Variants in DCDC2C observed in about 807,000 individuals in gnomAD.
DCDC2C encodes doublecortin domain-containing protein 2C.
DCDC2C carries 44 observed loss-of-function variants against 45.0 expected under a neutral mutation model. That is an observed-to-expected ratio of 0.98 (90% CI 0.77 to 1.26). The LOEUF is 1.26. Ranked by LOEUF, DCDC2C falls within the 50% of genes most tolerant of loss-of-function variation. The pLI, the probability that DCDC2C is intolerant of heterozygous loss-of-function variation, is 0.00. For synonymous variants in DCDC2C, 187 were observed against 178.8 expected (o/e 1.05, Z -0.37); for missense variants, 447 against 468.9 (o/e 0.95, Z 0.43).
chr2:3,770,051 G>C (rs1005528221), intron 8 of DCDC2C, among the ~76,000 whole-genome samples: 1 of 152,168 alleles, frequency 6.6e-6, no homozygotes, highest in Non-Finnish European at 1.5e-5. Flanking sequence ...GCCCAGCTGC[G>C]CACCTGAGTG....
At position 3,799,897 on chromosome 2, in the gene DCDC2C, C is replaced by A. The variant is rs189339241; in HGVS notation, c.1065+14797C>A. Among the ~76,000 whole-genome samples the A allele has an allele frequency of 7.5e-3, 1,146 of 152,346 alleles. 21 individuals carry two copies. Among genetic ancestry groups the A allele is most frequent in the African/African-American group, 0.026 (1,082 of 41,584 alleles). On this transcript the variant is annotated intron_variant, in intron 10 of 10. Coordinates refer to ENST00000399143, the MANE Select transcript of DCDC2C (RefSeq NM_001287444.2). ...TCCTTGAGCTGTGATGGGCTCCACC[C>A]AGTTCGAGCTTCCCAGATGCTTTGT...
At chr2:3,794,782 G>T (rs537517219) in intron 10 of DCDC2C, among the ~76,000 whole-genome samples, 10 of 152,316 alleles carry the variant, frequency 6.6e-5, no homozygotes, top group African/African-American at 2.4e-4. Flanking sequence ...CATTTGGGTT[G>T]GTTCCAAGTC....
chr2:3,708,880 T>C (rs1043168083), intron 2 of DCDC2C, among the ~76,000 whole-genome samples: 4 of 152,210 alleles, frequency 2.6e-5, no homozygotes, highest in East Asian at 3.8e-4. Flanking sequence ...ATTTTCCTTT[T>C]GTTTTGGGGG....
At chr2:3,771,968 A>G (rs4849990) in intron 8 of DCDC2C, among the ~76,000 whole-genome samples, 30,390 of 152,156 alleles carry the variant, frequency 0.2, 3,353 homozygotes, top group South Asian at 0.35. Context: ...AGTAATCTGG[A>G]ATACTGTCTC....
chr2:3,720,696 A>G (rs1216841622), intron 2 of DCDC2C, among the ~76,000 whole-genome samples: 1 of 152,174 alleles, frequency 6.6e-6, no homozygotes, highest in Non-Finnish European at 1.5e-5. Flanking sequence ...AATATTATGA[A>G]TTACATGAAT....
intron 10 of DCDC2C, among the ~76,000 whole-genome samples, chr2:3,811,126 G>A (rs1052982551): frequency 2.0e-5 from 3 of 152,182 alleles, no homozygotes; most frequent in African/African-American, 7.2e-5. Flanking sequence ...GAATGTCAAT[G>A]TTAGTTTGAT....
intron 3 of DCDC2C, among the ~76,000 whole-genome samples, chr2:3,739,532 GGCACCGGC>G (rs2148103282): frequency 6.6e-6 from 1 of 152,396 alleles, no homozygotes; most frequent in African/African-American, 2.4e-5. Context: ...CGCACCAACA[GGCACCGGC>G]ACACCGGCAG....
chr2:3,746,945 T>C (rs1398913505), intron 4 of DCDC2C, among the ~76,000 whole-genome samples: 1 of 151,894 alleles, frequency 6.6e-6, no homozygotes, highest in Non-Finnish European at 1.5e-5. Flanking sequence ...GTGTGGACAA[T>C]GGCCTGGCCC....
intron 2 of DCDC2C, among the ~76,000 whole-genome samples, chr2:3,726,332 TCCC>T (rs1224194687): frequency 2.0e-5 from 3 of 151,670 alleles, no homozygotes; most frequent in African/African-American, 7.3e-5. Context: ...CAATCAGAGC[TCCC>T]CCCATTTGCT....
chr2:3,842,314 C>T (rs896281579), intron 10 of DCDC2C, among the ~76,000 whole-genome samples: 1 of 151,878 alleles, frequency 6.6e-6, no homozygotes, highest in Admixed American at 6.6e-5. Context: ...ACAGAGACAA[C>T]GATTGACTGT....
rs563621204 is a variant in DCDC2C at position 3,826,714 on chromosome 2, G to T, written c.1066-20440G>T. ...ACAGCTCCTTCCACAGCTTTGCGTG[G>T]TGTCTAAGATCTTTATCTCCTTGGA... On this transcript the variant is annotated intron_variant, in intron 10 of 10. Coordinates refer to ENST00000399143, the MANE Select transcript of DCDC2C (RefSeq NM_001287444.2). 1.1e-4 allele frequency among the ~76,000 whole-genome samples: 16 copies of T among 152,256 alleles called. 1 individual carries two copies. Among genetic ancestry groups the T allele is most frequent in the African/African-American group, 3.9e-4 (16 of 41,546 alleles).
chr2:3,762,769 T>G (rs1329199246), intron 6 of DCDC2C, among the ~76,000 whole-genome samples: 5 of 151,964 alleles, frequency 3.3e-5, no homozygotes, highest in Non-Finnish European at 7.4e-5. Context: ...GGGACAAACA[T>G]CCAAACTATA....
At chr2:3,756,336 G>C (rs953705412) in intron 6 of DCDC2C, among the ~76,000 whole-genome samples, 1 of 152,160 alleles carries the variant, frequency 6.6e-6, no homozygotes, top group Admixed American at 6.5e-5. Flanking sequence ...TCCAGTGCCT[G>C]TCTGCCTGGC....
intron 10 of DCDC2C, among the ~76,000 whole-genome samples, chr2:3,828,668 A>C (rs371731701): frequency 1.7e-4 from 26 of 152,276 alleles, no homozygotes; most frequent in African/African-American, 5.5e-4. Flanking sequence ...CTTCACTTAA[A>C]ACATGTTGCC....
At chr2:3,780,641 G>A (rs1215935425) in intron 9 of DCDC2C, among the ~76,000 whole-genome samples, 1 of 152,166 alleles carries the variant, frequency 6.6e-6, no homozygotes, top group Non-Finnish European at 1.5e-5. Context: ...GACAGGACAG[G>A]GAGGGCTGGG....
chr2:3,747,624 A>C (rs1669411294), intron 4 of DCDC2C, among the ~76,000 whole-genome samples: 1 of 152,252 alleles, frequency 6.6e-6, no homozygotes, highest in African/African-American at 2.4e-5. Context: ...CACACTGGAC[A>C]CGTTGGGTGT....
chr2:3,792,820 A>G (rs1396329652), intron 10 of DCDC2C, among the ~76,000 whole-genome samples: 2 of 152,250 alleles, frequency 1.3e-5, no homozygotes, highest in East Asian at 3.8e-4. Context: ...AAGAAAATCA[A>G]ACGTGAAGAG....
At chr2:3,778,071 G>A (rs1450198718) in intron 8 of DCDC2C, among the ~76,000 whole-genome samples, 2 of 101,994 alleles carry the variant, frequency 2.0e-5, no homozygotes, top group African/African-American at 6.7e-5. Flanking sequence ...ACACCCCCTG[G>A]CCAGCTGGAC....
intron 10 of DCDC2C, among the ~76,000 whole-genome samples, chr2:3,805,123 C>T (rs890440114): frequency 2.0e-5 from 3 of 152,216 alleles, no homozygotes; most frequent in African/African-American, 7.2e-5. Context: ...TGACAACTGA[C>T]ACTTTTTACT....
Sources: gnomAD v4.1 joint callset for allele counts (sites outside exome capture counted in the v4.1 genomes callset) on GRCh38, gnomAD v4.1.1 for gene constraint, MANE v1.5 for transcripts, NCBI Gene and HGNC (gene_info 2026-07-23, HGNC 2026-07-21) for gene names.